MYO1E: variants seen among roughly 807,000 people sequenced by gnomAD.
MYO1E encodes the protein myosin IE.
MYO1E carries 68 observed loss-of-function variants against 151.1 expected under a neutral mutation model. That is an observed-to-expected ratio of 0.45 (90% CI 0.37 to 0.55). The LOEUF (loss-of-function observed/expected upper bound fraction) is 0.55. Among genes scored for constraint, MYO1E ranks in the 20% least tolerant of loss-of-function variants. The probability of loss-of-function intolerance (pLI) is 0.00; values close to 1 mark genes in which losing one functional copy is unlikely to be tolerated. For synonymous variants in MYO1E, 601 were observed against 501.7 expected, an observed-to-expected ratio of 1.20 and a Z score of -2.64; for missense variants, 1,363 against 1,389.3, an observed-to-expected ratio of 0.98 and a Z score of 0.30.
intron 22 of MYO1E, among the ~76,000 whole-genome samples, chr15:59,170,051 C>T (rs2079583123): frequency 6.6e-6 from 1 of 152,094 alleles, no homozygotes; most frequent in Non-Finnish European, 1.5e-5. Context: ...ATCCCAGCTA[C>T]TCGGGAGCCT....
chr15:59,215,597 G>T lies in MYO1E; in HGVS notation c.1108-877C>A, dbSNP rs117402764. Among the ~76,000 whole-genome samples the T allele has an allele frequency of 7.3e-4, 111 of 152,304 alleles. No homozygotes were observed. The East Asian group carries it at 0.018, about 25-fold the overall frequency. ...GAATGTAAGCGAACAATTCTTTGAG[G>T]TGATGAATACCTGGACGAATTCTGA... On this transcript the variant is annotated intron_variant, in intron 10 of 27. Coordinates refer to ENST00000288235, the MANE Select transcript of MYO1E (RefSeq NM_004998.4).
At position 59,300,674 on chromosome 15, in the gene MYO1E, G is replaced by C. The variant is rs567939673; in HGVS notation, c.4-28225C>G. On this transcript the variant is annotated intron_variant, in intron 1 of 27. Coordinates refer to ENST00000288235, the MANE Select transcript of MYO1E (RefSeq NM_004998.4). Reference sequence around the variant, plus strand: ...CGCCTTCTAGCTATAAATCTTCCGGGGTTCCCATTAAAAAAGAAATTCCCA... The same window carrying C: ...CGCCTTCTAGCTATAAATCTTCCGGCGTTCCCATTAAAAAAGAAATTCCCA... 5.3e-4 allele frequency among the ~76,000 whole-genome samples: 81 copies of C among 151,922 alleles called. 1 individual carries two copies. Among genetic ancestry groups the C allele is most frequent in the Admixed American group, 9.8e-4 (15 of 15,234 alleles).
intron 19 of MYO1E, among the ~76,000 whole-genome samples, chr15:59,177,199 A>C (rs1267444201): frequency 6.6e-6 from 1 of 152,210 alleles, no homozygotes; most frequent in East Asian, 1.9e-4. Context: ...TGGAAATGAA[A>C]ATTCTTGTGA....
At chr15:59,171,844 C>T (rs979120349) in intron 22 of MYO1E, 53 bp downstream of exon 22, 86 of 1,612,260 alleles carry the variant, frequency 5.3e-5, no homozygotes, top group Middle Eastern at 1.7e-4. Context: ...AACAGCGGAC[C>T]GTGATGCTGA....
At chr15:59,161,612 TG>T (rs2079538777) in intron 23 of MYO1E, among the ~76,000 whole-genome samples, 1 of 152,212 alleles carries the variant, frequency 6.6e-6, no homozygotes, top group African/African-American at 2.4e-5. Context: ...TCCCTGATTC[TG>T]TGCTTGTGGA....
At chr15:59,188,999 G>A (rs2079716430) in intron 17 of MYO1E, among the ~76,000 whole-genome samples, 1 of 152,190 alleles carries the variant, frequency 6.6e-6, no homozygotes, top group Non-Finnish European at 1.5e-5. Context: ...TTAATTTCAA[G>A]TGTGTACATT....
chr15:59,273,113 GACGAAACGAGATC>G (rs2080297527), intron 1 of MYO1E, among the ~76,000 whole-genome samples: 1 of 152,218 alleles, frequency 6.6e-6, no homozygotes, highest in African/African-American at 2.4e-5. Flanking sequence ...GGACAGGACA[GACGAAACGAGATC>G]ACGGAACATG....
At chr15:59,156,423 G>C (rs2079510069) in intron 25 of MYO1E, among the ~76,000 whole-genome samples, 1 of 152,200 alleles carries the variant, frequency 6.6e-6, no homozygotes, top group Non-Finnish European at 1.5e-5. Flanking sequence ...GGCCTCAAGT[G>C]ATCTGCTCGT....
intron 1 of MYO1E, among the ~76,000 whole-genome samples, chr15:59,296,528 C>A (rs1470812039): frequency 1.3e-5 from 2 of 152,198 alleles, no homozygotes; most frequent in East Asian, 3.9e-4. Flanking sequence ...AGCTCATTTG[C>A]CCAGCAGTTC....
chr15:59,220,357 G>C (rs2079946678), intron 9 of MYO1E, among the ~76,000 whole-genome samples: 1 of 152,230 alleles, frequency 6.6e-6, no homozygotes. Flanking sequence ...GCTGAGACAG[G>C]AGAACTGCTT....
chr15:59,304,377 T>C (rs371037284), intron 1 of MYO1E, among the ~76,000 whole-genome samples: 2 of 152,304 alleles, frequency 1.3e-5, no homozygotes, highest in East Asian at 3.9e-4. Flanking sequence ...ACGCTACTGT[T>C]TCAGTTGGCT....
chr15:59,358,266 G>A (rs2080865993), intron 1 of MYO1E, among the ~76,000 whole-genome samples: 1 of 152,068 alleles, frequency 6.6e-6, no homozygotes, highest in Admixed American at 6.6e-5. Context: ...AGGATGAGGA[G>A]GAAGAGGAGG....
Position 59,350,603 on chromosome 15 carries a change from T to C in MYO1E, c.3+21895A>G, listed in dbSNP as rs563029715. 6.6e-6 allele frequency among the ~76,000 whole-genome samples: 1 copy of C among 152,238 alleles called. No individual in the cohort carries two copies. The highest frequency in any genetic ancestry group is 2.1e-4 in the South Asian group (1 of 4,810). ...TATGAACTGCCAGATAACCAGGGAA[T>C]GTCGAGAGTGTACAGGAATGTGGGA... On this transcript the variant is annotated intron_variant, in intron 1 of 27. Coordinates refer to ENST00000288235, the MANE Select transcript of MYO1E (RefSeq NM_004998.4). This position sits in a 1 kb window ranked among gnomAD's most constrained non-coding sequence, Gnocchi z 5.0.
In MYO1E at chr15:59,155,258, A is replaced by T. The variant is rs529233394; in HGVS notation, c.2879-1467T>A. On this transcript the variant is annotated intron_variant, in intron 25 of 27. Coordinates refer to ENST00000288235, the MANE Select transcript of MYO1E (RefSeq NM_004998.4). Reference sequence around the variant, plus strand: ...GAAGAGTAAGCATTTAGAAACGTTCATGGCAGTTTGACAGATCTATTTCAT... The same window carrying T: ...GAAGAGTAAGCATTTAGAAACGTTCTTGGCAGTTTGACAGATCTATTTCAT... Among the ~76,000 whole-genome samples, 173 of 152,366 alleles carry T rather than the reference A, an allele frequency of 1.1e-3. 3 individuals are homozygous for T. The Middle Eastern group carries it at 0.017, about 15-fold the overall frequency.
chr15:59,197,490 C>T (rs1372447608), intron 16 of MYO1E, among the ~76,000 whole-genome samples: 1 of 152,300 alleles, frequency 6.6e-6, no homozygotes, highest in Non-Finnish European at 1.5e-5. Flanking sequence ...AGATTAGATA[C>T]ATGTATTATC....
rs766788690 is a variant in MYO1E at position 59,223,151 on chromosome 15, G to A, written c.818C>T (p.Thr273Met). ...NVIGIFAEEQ[T>M]LVLQIVAGIL... ...ACCCGCCACTATCTGCAACACCAGC[G>A]TTTGCTCTTCTGCAAAGATCCCAAT... Residue 273 changes from threonine (T) to methionine (M), a missense_variant, in exon 9 of 28, where the codon ACG becomes ATG. Physicochemically the swap from Thr to Met is moderately conservative, Grantham distance 81 (BLOSUM62 -1). Coordinates refer to ENST00000288235, the MANE Select transcript of MYO1E (RefSeq NM_004998.4). 3.3e-5 allele frequency: 53 copies of A among 1,614,010 alleles called. No homozygotes were observed. Among genetic ancestry groups the A allele is most frequent in the South Asian group, 6.6e-5 (6 of 91,084 alleles).
intron 26 of MYO1E, among the ~76,000 whole-genome samples, chr15:59,151,442 A>ACCCCCC (rs1253140347): frequency 1.4e-5 from 2 of 147,596 alleles, no homozygotes; most frequent in African/African-American, 5.0e-5. Flanking sequence ...CAAACAAAAA[A>ACCCCCC]CCCCCCCCAA....
intron 4 of MYO1E, among the ~76,000 whole-genome samples, chr15:59,247,672 G>A (rs564770681): frequency 6.6e-6 from 1 of 152,282 alleles, no homozygotes; most frequent in African/African-American, 2.4e-5. Context: ...TTTAAGCAGA[G>A]TGAGCTGGGG....
chr15:59,327,928 G>A (rs1297794450), intron 1 of MYO1E, among the ~76,000 whole-genome samples: 2 of 152,204 alleles, frequency 1.3e-5, no homozygotes, highest in African/African-American at 2.4e-5. Context: ...TCATCAGTGG[G>A]CAAAGGAACG....
Sources: gnomAD v4.1 joint callset for allele counts (sites outside exome capture counted in the v4.1 genomes callset) on GRCh38, gnomAD v4.1.1 for gene constraint, Gnocchi (gnomAD v3.1) non-coding constraint, MANE v1.5 for transcripts, NCBI Gene and HGNC (gene_info 2026-07-23, HGNC 2026-07-21) for gene names.